Variants in FOXRED2 observed in about 807,000 individuals in gnomAD.
FOXRED2 encodes the protein FAD dependent oxidoreductase domain containing 2, also known as FAD-dependent oxidoreductase domain-containing protein 2.
FOXRED2 carries 32 observed loss-of-function variants against 52.5 expected under a neutral mutation model. The observed-to-expected ratio is 0.61, with a 90% CI of 0.46 to 0.82. The LOEUF (loss-of-function observed/expected upper bound fraction) is 0.82, where lower values mean the gene tolerates loss of function less well. Among genes scored for constraint, FOXRED2 ranks in the 40% least tolerant of loss-of-function variants. The pLI, the probability that FOXRED2 is intolerant of heterozygous loss-of-function variation, is 0.00. For missense variants in FOXRED2, 848 were observed against 937.5 expected (o/e 0.90, Z 1.25); for synonymous variants, 405 against 398.1 (o/e 1.02, Z -0.21).
chr22:36,495,783 T>C (rs1933879715), intron 7 of FOXRED2, among the ~76,000 whole-genome samples, 184 bp downstream of exon 7: 1 of 152,216 alleles, frequency 6.6e-6, no homozygotes, highest in Admixed American at 6.5e-5. Context: ...ACGGTATGTG[T>C]CAGAATCTGG....
intron 8 of FOXRED2, 29 bp downstream of exon 8, chr22:36,493,603 AC>A (rs756751585): frequency 6.2e-7 from 1 of 1,602,930 alleles, no homozygotes; most frequent in Non-Finnish European, 8.5e-7. Context: ...TGGAGCTCAG[AC>A]CCTTTGTCTT....
chr22:36,492,386 C>T (rs922171302), intron 8 of FOXRED2, among the ~76,000 whole-genome samples: 2 of 152,234 alleles, frequency 1.3e-5, no homozygotes, highest in Non-Finnish European at 2.9e-5. Flanking sequence ...GGCAGCAGCA[C>T]ACAGTGGCCT....
intron 6 of FOXRED2, among the ~76,000 whole-genome samples, chr22:36,496,800 T>C (rs980236055): frequency 1.3e-5 from 2 of 152,060 alleles, no homozygotes; most frequent in Admixed American, 1.3e-4. Flanking sequence ...GAGGTGGTGG[T>C]GGTAGAGCAG....
At chr22:36,493,486 G>T in intron 8 of FOXRED2, 147 bp downstream of exon 8, 2 of 598,642 alleles carry the variant, frequency 3.3e-6, no homozygotes, top group Middle Eastern at 3.5e-4. Context: ...TAGGTGAGTT[G>T]TAATTTAACC....
Position 36,504,213 on chromosome 22 carries a change from T to A in FOXRED2, c.934A>T (p.Ser312Cys), listed in dbSNP as rs553482387. Reference sequence around the variant, plus strand: ...TGGGGGAGGGTGATGGAGTCGGCACTCTGGTTGGTGTTGGCTTCTTCCAGG... The same window carrying A: ...TGGGGGAGGGTGATGGAGTCGGCACACTGGTTGGTGTTGGCTTCTTCCAGG... The part of the protein sequence containing the change: ...FFLEEANTNQ[S>C]ADSITLPQDD... The change falls in exon 4 of 9, where the codon AGT (serine) becomes TGT (cysteine). Residue 312 changes from serine (S) to cysteine (C), a missense_variant. Ser to Cys is a moderately radical substitution (Grantham distance 112, BLOSUM62 -1). Coordinates refer to ENST00000397224, the MANE Select transcript of FOXRED2 (RefSeq NM_001102371.2). 6.2e-7 allele frequency: 1 copy of A among 1,614,184 alleles called. No homozygotes were observed. Among genetic ancestry groups the A allele is most frequent in the Non-Finnish European group, 8.5e-7 (1 of 1,180,042 alleles).
At position 36,501,397 on chromosome 22, in the gene FOXRED2, G is replaced by C; in HGVS notation, c.1060C>G (p.Leu354Val). Residue 354 changes from leucine to valine, a missense_variant, in exon 5 of 9, where the codon CTT (leucine) becomes GTT (valine). By Grantham distance (32) the Leu-to-Val change is conservative. Coordinates refer to ENST00000397224, the MANE Select transcript of FOXRED2 (RefSeq NM_001102371.2). The stretch of plus-strand genomic sequence containing the variant: ...TTGCCGAATGCATTTCCCGAGTTAA[G>C]TCTGAGGGACCTGTCAGTGGAAAGG... ...DFSIFNKSLR[L>V]NSGNAFGKKY... 6.2e-7 allele frequency: 1 copy of C among 1,614,126 alleles called. No homozygotes were observed. Among genetic ancestry groups the C allele is most frequent in the Non-Finnish European group, 8.5e-7 (1 of 1,179,998 alleles).
chr22:36,493,860 CG>C, intron 7 of FOXRED2, 57 bp from the exon 8 acceptor site: 1 of 1,505,960 alleles, frequency 6.6e-7, no homozygotes, highest in Non-Finnish European at 9.2e-7. Flanking sequence ...TTCCCCTCCT[CG>C]GGCCGACACA....
chr22:36,498,104 G>A lies in FOXRED2; in HGVS notation c.1269C>T (p.Pro423=), dbSNP rs377318600. ...GCTGTGTGATGGGGAGCTCAGTGGCGGGCCAGGTGACGCTGTGGTGGCGGT... is the reference window on the plus strand; with the variant it reads ...GCTGTGTGATGGGGAGCTCAGTGGCAGGCCAGGTGACGCTGTGGTGGCGGT... The part of the protein sequence containing the change: ...LEHRHHSVTW[P]ATELPITQLT... The change falls in exon 6 of 9, where the codon CCC becomes CCT. Residue 423 remains proline (P), a synonymous_variant. Coordinates refer to ENST00000397224, the MANE Select transcript of FOXRED2 (RefSeq NM_001102371.2). The A allele has an allele frequency of 1.6e-5, 26 of 1,613,314 alleles. No homozygotes were observed. The African/African-American group carries it at 1.7e-4, about 11-fold the overall frequency.
intron 5 of FOXRED2, among the ~76,000 whole-genome samples, chr22:36,498,812 G>A (rs907278779): frequency 2.0e-5 from 3 of 151,878 alleles, no homozygotes; most frequent in Non-Finnish European, 4.4e-5. Context: ...CTGGGTTCCA[G>A]GAGGAACCGA....
rs757944796 is a variant in FOXRED2, at chr22:36,490,281, A to G, written c.1796-14T>C. The G allele has an allele frequency of 6.3e-7, 1 of 1,575,668 alleles. No individual in the cohort carries two copies. Among genetic ancestry groups the G allele is most frequent in the Non-Finnish European group, 8.6e-7 (1 of 1,156,106 alleles). The stretch of plus-strand genomic sequence containing the variant: ...GGAAGCAGGACTCTACACAAAAGCA[A>G]AATGAGGAGAATGAGCCAGGCTGGG... On this transcript the variant is annotated splice_polypyrimidine_tract_variant and intron_variant, in intron 8 of 8. Transcript: ENST00000397224.
chr22:36,495,679 A>G (rs554395826), intron 7 of FOXRED2, among the ~76,000 whole-genome samples: 4 of 152,336 alleles, frequency 2.6e-5, no homozygotes, highest in African/African-American at 9.6e-5. Context: ...CACCACAGTC[A>G]GCCGCCTCTG....
In FOXRED2 at chr22:36,489,911, G is replaced by A. The variant is rs1342678122; in HGVS notation, c.*97C>T. 31 of 1,256,616 alleles carry A rather than the reference G, an allele frequency of 2.5e-5. No individual in the cohort carries two copies. The East Asian group carries it at 2.5e-4, about 10-fold the overall frequency. The allele number at this position is 1,256,616 out of a possible 1,614,324, so 77.8% of individuals were successfully genotyped here. A position where few individuals can be genotyped will look rare whatever the true frequency, so the allele number is the denominator to read the frequency against. ...GATCTGAGTGGTCTTTGGCAATCAC[G>A]CATTGGCGGGAGTGTGAGGTTGCGG... On this transcript the variant is annotated 3_prime_UTR_variant, in exon 9 of 9. Coordinates refer to ENST00000397224, the MANE Select transcript of FOXRED2 (RefSeq NM_001102371.2).
At chr22:36,491,707 A>G (rs760800903) in intron 8 of FOXRED2, among the ~76,000 whole-genome samples, 21 of 152,106 alleles carry the variant, frequency 1.4e-4, no homozygotes, top group Non-Finnish European at 2.8e-4. Context: ...CCAGAAATAG[A>G]TGCTGCCATG....
At chr22:36,503,787 C>A (rs1009366513) in intron 4 of FOXRED2, among the ~76,000 whole-genome samples, 2 of 152,224 alleles carry the variant, frequency 1.3e-5, no homozygotes, top group Admixed American at 6.5e-5. Context: ...TCAGCCACTA[C>A]GCTATATTGC....
At chr22:36,493,962 T>C (rs537408274) in intron 7 of FOXRED2, among the ~76,000 whole-genome samples, 159 bp from the exon 8 acceptor site, 54 of 152,208 alleles carry the variant, frequency 3.5e-4, no homozygotes, top group Non-Finnish European at 6.9e-4. Context: ...GTCAGACTGT[T>C]CAAGAGCCAC....
chr22:36,495,877 T>C (rs748053757), intron 7 of FOXRED2, 90 bp downstream of exon 7: 57 of 1,420,572 alleles, frequency 4.0e-5, no homozygotes, highest in Non-Finnish European at 5.4e-5. Context: ...CAGCTGAGCA[T>C]GTGTGTGAAG....
Position 36,495,957 on chromosome 22 carries a change from A to C in FOXRED2, c.1624+10T>G, listed in dbSNP as rs1933883922. ...GCCCACAGGTTGGGGAAGGGCAGAG[A>C]CCTGCTCACCGGTGGGGAGGTATCT... On this transcript the variant is annotated intron_variant, in intron 7 of 8. Transcript: ENST00000397224. 3 of 1,612,638 alleles carry C rather than the reference A, an allele frequency of 1.9e-6. No individual in the cohort carries two copies. The highest frequency in any genetic ancestry group is 2.7e-5 in the African/African-American group (2 of 74,890).
intron 4 of FOXRED2, 40 bp downstream of exon 4, chr22:36,504,058 G>A: frequency 6.3e-7 from 1 of 1,595,260 alleles, no homozygotes; most frequent in Non-Finnish European, 8.6e-7. Context: ...GGTCAGGAGG[G>A]TTTGCTAGGA....
At position 36,490,247 on chromosome 22, in the gene FOXRED2, G is replaced by A; in HGVS notation, c.1816C>T (p.Leu606Phe). The A allele has an allele frequency of 6.2e-7, 1 of 1,610,488 alleles. No individual in the cohort carries two copies. Among genetic ancestry groups the A allele is most frequent in the Non-Finnish European group, 8.5e-7 (1 of 1,177,642 alleles). ...FYAESCFLFA[L>F]TRQKLPPFCQ... Reference sequence around the variant, plus strand: ...AAGGGTGGCAACTTCTGGCGCGTGAGGGCGAACAGGAAGCAGGACTCTACA... The same window carrying A: ...AAGGGTGGCAACTTCTGGCGCGTGAAGGCGAACAGGAAGCAGGACTCTACA... The change falls in exon 9 of 9, where the codon CTC (leucine) becomes TTC (phenylalanine). Residue 606 changes from leucine (L) to phenylalanine (F), a missense_variant. Transcript: ENST00000397224.
Sources: gnomAD v4.1 joint callset for allele counts (sites outside exome capture counted in the v4.1 genomes callset) on GRCh38, gnomAD v4.1.1 for gene constraint, MANE v1.5 for transcripts, NCBI Gene and HGNC (gene_info 2026-07-23, HGNC 2026-07-21) for gene names.